The following CELSR1 variants were observed in gnomAD, a reference collection of about 807,000 sequenced individuals.
The protein encoded by CELSR1 is cadherin EGF LAG seven-pass G-type receptor 1, also known as adhesion G protein-coupled receptor C1.
A neutral mutation model predicts 249.1 loss-of-function variants in CELSR1; 110 were observed. The observed-to-expected ratio is 0.44, with a 90% CI of 0.38 to 0.52. CELSR1 has a LOEUF of 0.52. Among genes scored for constraint, CELSR1 ranks in the 20% least tolerant of loss-of-function variants. The probability of loss-of-function intolerance (pLI) is 0.00; values close to 1 mark genes in which losing one functional copy is unlikely to be tolerated. For synonymous variants in CELSR1, 2,113 were observed against 1,900.0 expected, an observed-to-expected ratio of 1.11 and a Z score of -2.92; for missense variants, 4,109 against 4,296.4, an observed-to-expected ratio of 0.96 and a Z score of 1.22.
At chr22:46,387,962 G>A (rs1197925343) in intron 18 of CELSR1, among the ~76,000 whole-genome samples, 1 of 152,166 alleles carries the variant, frequency 6.6e-6, no homozygotes, top group African/African-American at 2.4e-5. Context: ...GCTCCTCCGA[G>A]GGTGACCCTC....
chr22:46,391,712 G>A lies in CELSR1; in HGVS notation c.6069C>T (p.Ala2023=), dbSNP rs772022965. 1.9e-6 allele frequency: 3 copies of A among 1,611,580 alleles called. No individual in the cohort carries two copies. In the South Asian group the frequency reaches 3.3e-5, roughly 18 times the overall value. The stretch of plus-strand genomic sequence containing the variant: ...GGCGGCCGATGACGCCGGGCTTGCA[G>A]GCACACTGCCCGGTGGCCATGTCGC... ...RTCDMATGQC[A]CKPGVIGRQC... The change falls in exon 15 of 35, where the codon GCC becomes GCT. Residue 2023 remains alanine (A), a synonymous_variant. Coordinates refer to ENST00000674500, the MANE Select transcript of CELSR1 (RefSeq NM_001378328.1). This position sits in a 1 kb window ranked among gnomAD's most constrained non-coding sequence, Gnocchi z 4.3.
At chr22:46,366,206 CG>C (rs1356854608) in intron 30 of CELSR1, among the ~76,000 whole-genome samples, 179 bp downstream of exon 30, 1 of 820 alleles carries the variant, frequency 1.2e-3, no homozygotes. Context: ...AGGGAAGGTG[CG>C]AGGCGGGGAG....
intron 1 of CELSR1, among the ~76,000 whole-genome samples, chr22:46,522,269 G>A (rs1602238281): frequency 6.6e-6 from 1 of 152,242 alleles, no homozygotes; most frequent in East Asian, 1.9e-4. Flanking sequence ...GAGACTACAG[G>A]TTCATGCTAC....
chr22:46,536,246 T>C lies in CELSR1; in HGVS notation c.925A>G (p.Ser309Gly), dbSNP rs2080854201. 8 of 1,612,378 alleles carry C rather than the reference T, an allele frequency of 5.0e-6. No homozygotes were observed. Among genetic ancestry groups the C allele is most frequent in the Non-Finnish European group, 6.8e-6 (8 of 1,179,822 alleles). Reference protein sequence around the residue: ...DSATGAVSTDSVLDRETKETH... With the variant: ...DSATGAVSTDGVLDRETKETH... ...TCCTTGGTCTCGCGGTCCAGTACGC[T>C]GTCCGTGCTCACGGCGCCCGTGGCA... is the stretch of plus-strand genomic sequence containing the variant. The change falls in exon 1 of 35, where the codon AGC becomes GGC. Residue 309 changes from serine to glycine, a missense_variant. Ser to Gly is a moderately conservative substitution (Grantham distance 56). Around this residue, in one of 7 missense-constraint regions of CELSR1, gnomAD observed 673 missense variants for 636.8 expected, o/e 1.06. Transcript: ENST00000674500.
At chr22:46,494,713 A>G (rs5768836) in intron 1 of CELSR1, among the ~76,000 whole-genome samples, 101,849 of 151,778 alleles carry the variant, frequency 0.67, 35,377 homozygotes, top group East Asian at 0.98. Context: ...TCACCATGTT[A>G]GCAGGCTGGT....
chr22:46,364,456 G>A, intron 33 of CELSR1, 56 bp downstream of exon 33: 1 of 1,561,234 alleles, frequency 6.4e-7, no homozygotes, highest in Non-Finnish European at 8.7e-7. Context: ...CCAGACCAGG[G>A]ACTGGCCCTT....
intron 33 of CELSR1, 107 bp from the exon 34 acceptor site, chr22:46,364,358 TC>T: frequency 6.6e-7 from 1 of 1,525,646 alleles, no homozygotes; most frequent in Non-Finnish European, 8.8e-7. Flanking sequence ...TCCTCCTGGT[TC>T]CCCGGGTCCC....
rs2147326667 is a variant in CELSR1, at chr22:46,409,592, G to A, written c.5059+163C>T. Among the ~76,000 whole-genome samples, 1 of 152,268 alleles carries A rather than the reference G, an allele frequency of 6.6e-6. No homozygotes were observed. The highest frequency in any genetic ancestry group is 3.4e-3 in the Middle Eastern group (1 of 294). On this transcript the variant is annotated intron_variant, in intron 8 of 34. Transcript: ENST00000674500. The surrounding 1 kb of genome is among the most constrained non-coding windows in gnomAD (Gnocchi z 9.8). ...AGGAGCAGGGGCTCTGCGGAGGACA[G>A]TCTCTTGGAGAGGGCGGTGTGAGTC... is the stretch of plus-strand genomic sequence containing the variant.
chr22:46,403,851 T>G (rs1290966605), intron 9 of CELSR1, among the ~76,000 whole-genome samples: 1 of 149,756 alleles, frequency 6.7e-6, no homozygotes, highest in African/African-American at 2.5e-5. Context: ...CAGGCACCTA[T>G]AATTCCAGCT....
chr22:46,460,971 C>T (rs915293304), intron 2 of CELSR1, among the ~76,000 whole-genome samples: 2 of 152,210 alleles, frequency 1.3e-5, no homozygotes, highest in Admixed American at 1.3e-4. Context: ...TCCTGTCCCG[C>T]AACACAAGAA....
chr22:46,522,536 C>G (rs948818759), intron 1 of CELSR1, among the ~76,000 whole-genome samples: 1 of 152,160 alleles, frequency 6.6e-6, no homozygotes, highest in African/African-American at 2.4e-5. Context: ...CCATTGTTTT[C>G]TTGTTGCTAA....
intron 5 of CELSR1, among the ~76,000 whole-genome samples, chr22:46,420,607 AAT>A (rs1300575976): frequency 2.0e-5 from 3 of 151,230 alleles, no homozygotes; most frequent in East Asian, 3.9e-4. Context: ...ATGCTTGCAC[AAT>A]ATACTCACCT....
chr22:46,378,441 G>A, intron 23 of CELSR1, 150 bp downstream of exon 23: 1 of 792,226 alleles, frequency 1.3e-6, no homozygotes, highest in African/African-American at 1.7e-5. Flanking sequence ...CACTTAGAAT[G>A]GAAGATTTAG....
At chr22:46,483,673 G>C (rs2080288692) in intron 1 of CELSR1, among the ~76,000 whole-genome samples, 1 of 152,160 alleles carries the variant, frequency 6.6e-6, no homozygotes, top group African/African-American at 2.4e-5. Context: ...CAACCACCCA[G>C]GGAGGCAGAG....
chr22:46,443,240 G>A (rs907833328), intron 2 of CELSR1, among the ~76,000 whole-genome samples: 6 of 152,242 alleles, frequency 3.9e-5, no homozygotes, highest in African/African-American at 1.2e-4. Flanking sequence ...CTCCACGCCA[G>A]TAACCCCGAG....
rs1301632217 is a variant in CELSR1, at chr22:46,362,852, C to G, written c.*371G>C. ...GCTGGACCGCGGTCTTTGGTCTGTG[C>G]CCGGCGTTCCTGAACTCTGGCCAGC... On this transcript the variant is annotated 3_prime_UTR_variant, in exon 35 of 35. Coordinates refer to ENST00000674500, the MANE Select transcript of CELSR1 (RefSeq NM_001378328.1). The G allele has an allele frequency of 2.6e-6, 1 of 391,654 alleles. No homozygotes were observed. The highest frequency in any genetic ancestry group is 2.0e-5 in the African/African-American group (1 of 49,624). 24.3% of individuals were successfully genotyped at this position (391,654 alleles called of 1,614,324 possible).
chr22:46,386,094 T>C (rs916084379), intron 19 of CELSR1, among the ~76,000 whole-genome samples: 33 of 151,760 alleles, frequency 2.2e-4, no homozygotes, highest in Non-Finnish European at 8.8e-5. Context: ...CTCAGCCTCC[T>C]GAGTAGCTGG....
rs1369862084 is a variant in CELSR1, at chr22:46,533,890, T to A, written c.3281A>T (p.Gln1094Leu). 1 of 1,613,562 alleles carries A rather than the reference T, an allele frequency of 6.2e-7. No individual in the cohort carries two copies. Among genetic ancestry groups the A allele is most frequent in the Non-Finnish European group, 8.5e-7 (1 of 1,180,034 alleles). Reference protein sequence around the residue: ...RATVHILLVDQNDNPPVLPDF... With the variant: ...RATVHILLVDLNDNPPVLPDF... ...GGGCAGCACAGGCGGGTTGTCATTC[T>A]GGTCCACGAGAAGGATGTGCACCGT... The change falls in exon 1 of 35, where the codon CAG becomes CTG. Residue 1094 changes from glutamine (Q) to leucine (L), a missense_variant. Physicochemically the swap from Gln to Leu is moderately radical, Grantham distance 113. Coordinates refer to ENST00000674500, the MANE Select transcript of CELSR1 (RefSeq NM_001378328.1).
Position 46,390,581 on chromosome 22 carries a change from G to T in CELSR1, c.6251-95C>A. 2 of 1,031,284 alleles carry T rather than the reference G, an allele frequency of 1.9e-6. No homozygotes were observed. The highest frequency in any genetic ancestry group is 1.5e-5 in the South Asian group (1 of 66,336). 63.9% of individuals were successfully genotyped at this position (1,031,284 alleles called of 1,614,324 possible). A position where few individuals can be genotyped will look rare whatever the true frequency, so the allele number is the denominator to read the frequency against. On this transcript the variant is annotated intron_variant, in intron 16 of 34. Transcript: ENST00000674500. This position sits in a 1 kb window ranked among gnomAD's most constrained non-coding sequence, Gnocchi z 6.3. ...CACAATCTGAATATACTTAAACCCA[G>T]AACACTGCGTGGTGGTTAGAACCCC...
Sources: gnomAD v4.1 joint callset for allele counts (sites outside exome capture counted in the v4.1 genomes callset) on GRCh38, gnomAD v4.1.1 for gene constraint, gnomAD v4.1.1 regional missense constraint, Gnocchi (gnomAD v3.1) non-coding constraint, MANE v1.5 for transcripts, NCBI Gene and HGNC (gene_info 2026-07-23, HGNC 2026-07-21) for gene names.